ASTN1: variants seen among roughly 807,000 people sequenced by gnomAD.
The protein encoded by ASTN1 is astrotactin 1, also known as astrotactin-1.
In ASTN1, 41 loss-of-function variants were observed where a neutral mutation model predicts 140.7. The ratio of observed to expected loss-of-function variants is 0.29; its 90% CI spans 0.23 to 0.38. The LOEUF (loss-of-function observed/expected upper bound fraction) is 0.38. Ranked by LOEUF, ASTN1 falls within the 10% of genes least tolerant of loss-of-function variation. The pLI is 1.00. For synonymous variants in ASTN1, 640 were observed against 652.2 expected (o/e 0.98, Z 0.29); for missense variants, 1,479 against 1,678.8 (o/e 0.88, Z 2.08).
At chr1:177,099,400 C>G (rs1475437598) in intron 1 of ASTN1, among the ~76,000 whole-genome samples, 1 of 150,362 alleles carries the variant, frequency 6.7e-6, no homozygotes, top group Non-Finnish European at 1.5e-5. Flanking sequence ...ATCCTAGCTC[C>G]TTTTTTTTTA....
chr1:177,031,584 A>C (rs1214599437), intron 3 of ASTN1, among the ~76,000 whole-genome samples: 1 of 152,214 alleles, frequency 6.6e-6, no homozygotes, highest in Non-Finnish European at 1.5e-5. Flanking sequence ...TTGGCTCTTC[A>C]TGTAGAATGT....
intron 1 of ASTN1, among the ~76,000 whole-genome samples, chr1:177,072,986 T>A (rs1678717752): frequency 6.6e-6 from 1 of 152,194 alleles, no homozygotes; most frequent in South Asian, 2.1e-4. Context: ...CTCTGATGTG[T>A]AAGAGCACGT....
chr1:177,039,419 C>T (rs1394643766), intron 2 of ASTN1, among the ~76,000 whole-genome samples: 1 of 152,196 alleles, frequency 6.6e-6, no homozygotes, highest in Non-Finnish European at 1.5e-5. Context: ...GGATATCACT[C>T]ATATCTTTTA....
chr1:176,982,101 A>G (rs1404570387), intron 8 of ASTN1, among the ~76,000 whole-genome samples: 1 of 152,202 alleles, frequency 6.6e-6, no homozygotes, highest in African/African-American at 2.4e-5. Context: ...AATGTGCCCA[A>G]AGCTTCCAGC....
chr1:177,053,927 C>T (rs766666082), intron 2 of ASTN1, among the ~76,000 whole-genome samples: 2 of 152,148 alleles, frequency 1.3e-5, no homozygotes, highest in Non-Finnish European at 2.9e-5. Flanking sequence ...ATTTGTGTTC[C>T]ATCATGGTTG....
Position 176,907,904 on chromosome 1 carries a change from T to C in ASTN1, c.2672-13074A>G, listed in dbSNP as rs1670067110. Among the ~76,000 whole-genome samples, 2 of 152,186 alleles carry C rather than the reference T, an allele frequency of 1.3e-5. 1 individual carries two copies. The highest frequency in any genetic ancestry group is 4.1e-4 in the South Asian group (2 of 4,830). ...CAAAAGAAGGTGCTGTGGTTTTAGG[T>C]CACCTTCCTGCACTTTTAACAACAG... is the stretch of plus-strand genomic sequence containing the variant. On this transcript the variant is annotated intron_variant, in intron 16 of 22. Transcript: ENST00000361833.
intron 11 of ASTN1, among the ~76,000 whole-genome samples, chr1:176,951,607 C>T (rs1409755898): frequency 6.6e-6 from 1 of 152,186 alleles, no homozygotes; most frequent in Non-Finnish European, 1.5e-5. Flanking sequence ...TCAGAGTTCT[C>T]CTTCAAGCAT....
intron 16 of ASTN1, among the ~76,000 whole-genome samples, chr1:176,927,598 C>T (rs1671026576): frequency 6.6e-6 from 1 of 152,128 alleles, no homozygotes. Flanking sequence ...TTACTGGCTT[C>T]TTCTGAAGTA....
At chr1:176,925,845 A>G (rs572289665) in intron 16 of ASTN1, among the ~76,000 whole-genome samples, 12 of 146,736 alleles carry the variant, frequency 8.2e-5, no homozygotes, top group Admixed American at 2.8e-4. Flanking sequence ...TCGCTCTGTC[A>G]CCCAGGCTGG....
At position 176,996,016 on chromosome 1, in the gene ASTN1, C is replaced by T. The variant is rs555699283; in HGVS notation, c.1523+18775G>A. 2.6e-3 allele frequency among the ~76,000 whole-genome samples: 389 copies of T among 152,282 alleles called. 4 individuals are homozygous for T. The highest frequency in any genetic ancestry group is 6.2e-3 in the South Asian group (30 of 4,820). ...AACTTAAGAATTCCATAATAGAACTCCACCAACTGGCCTTCCAAAAATAGA... is the reference window on the plus strand; with the variant it reads ...AACTTAAGAATTCCATAATAGAACTTCACCAACTGGCCTTCCAAAAATAGA... On this transcript the variant is annotated intron_variant, in intron 8 of 22. Transcript: ENST00000361833.
Position 176,998,313 on chromosome 1 carries a change from T to C in ASTN1, c.1523+16478A>G, listed in dbSNP as rs573066095. Among the ~76,000 whole-genome samples, 3 of 152,310 alleles carry C rather than the reference T, an allele frequency of 2.0e-5. No homozygotes were observed. In the East Asian group the frequency reaches 5.8e-4, roughly 29 times the overall value. ...ACTCAATAAATATTACCTAGTATTA[T>C]GTAAATGAGGCAACAAATTTAAAGC... On this transcript the variant is annotated intron_variant, in intron 8 of 22. Transcript: ENST00000361833.
At chr1:176,870,978 G>A (rs1668318172) in intron 21 of ASTN1, among the ~76,000 whole-genome samples, 1 of 152,180 alleles carries the variant, frequency 6.6e-6, no homozygotes, top group African/African-American at 2.4e-5. Context: ...CCTGCCCAAG[G>A]TCACACTGCC....
intron 8 of ASTN1, among the ~76,000 whole-genome samples, chr1:176,988,186 T>G (rs76453500): frequency 3.9e-5 from 6 of 152,126 alleles, no homozygotes; most frequent in Non-Finnish European, 7.4e-5. Flanking sequence ...AGATAAAAAT[T>G]TGGCAACATA....
At chr1:177,014,680 G>T in intron 8 of ASTN1, 111 bp downstream of exon 8, 1 of 978,988 alleles carries the variant, frequency 1.0e-6, no homozygotes, top group Non-Finnish European at 1.6e-6. Context: ...TTGCTGTTCA[G>T]AATATAGCCA....
intron 6 of ASTN1, 108 bp downstream of exon 6, chr1:177,024,475 C>T (rs1675996968): frequency 7.2e-7 from 1 of 1,392,558 alleles, no homozygotes; most frequent in South Asian, 1.4e-5. Context: ...TGGTTTTCCC[C>T]CGGTAGAGTA....
chr1:176,894,009 A>G (rs942068897), intron 17 of ASTN1, among the ~76,000 whole-genome samples: 1 of 152,230 alleles, frequency 6.6e-6, no homozygotes, highest in Non-Finnish European at 1.5e-5. Context: ...ATAGAAAGGC[A>G]AAAAGATTTG....
intron 1 of ASTN1, among the ~76,000 whole-genome samples, chr1:177,122,197 A>C (rs1230404282): frequency 1.3e-5 from 2 of 152,322 alleles, no homozygotes; most frequent in African/African-American, 4.8e-5. Context: ...TTTGTGTTGC[A>C]GAGGGACTGA....
At chr1:177,069,608 G>A (rs1373837884) in intron 1 of ASTN1, among the ~76,000 whole-genome samples, 1 of 152,086 alleles carries the variant, frequency 6.6e-6, no homozygotes, top group East Asian at 1.9e-4. Context: ...ACTCTGTACT[G>A]GCATGAATAG....
chr1:177,038,419 A>G (rs1676825520), intron 2 of ASTN1, among the ~76,000 whole-genome samples: 4 of 152,202 alleles, frequency 2.6e-5, no homozygotes, highest in Admixed American at 2.6e-4. Flanking sequence ...CATAAAGCAG[A>G]TGGTCAATAA....
Sources: allele counts gnomAD v4.1 joint callset (sites outside exome capture counted in the v4.1 genomes callset), GRCh38; gene constraint gnomAD v4.1.1; transcripts MANE v1.5; gene names NCBI Gene and HGNC (gene_info 2026-07-23, HGNC 2026-07-21).